The following ATP23 variants were observed in gnomAD, a reference collection of about 807,000 sequenced individuals.
ATP23 encodes the protein ATP23 metallopeptidase and ATP synthase assembly factor homolog.
A neutral mutation model predicts 28.5 loss-of-function variants in ATP23; 24 were observed. The ratio of observed to expected loss-of-function variants is 0.84; its 90% CI spans 0.61 to 1.18. ATP23 has a LOEUF of 1.18. ATP23 is among the 50% of genes most tolerant of loss of function. ATP23 has a pLI of 0.00. For synonymous variants in ATP23, 99 were observed against 108.6 expected (o/e 0.91, Z 0.55); for missense variants, 274 against 306.4 (o/e 0.89, Z 0.79).
At chr12:57,945,722 C>T (rs1956753971) in intron 2 of ATP23, 49 bp downstream of exon 2, 1 of 1,555,618 alleles carries the variant, frequency 6.4e-7, no homozygotes, top group South Asian at 1.1e-5. Flanking sequence ...CTGCTGAAAA[C>T]AAAAACCAAG....
chr12:57,951,258 T>C (rs1363811698), intron 3 of ATP23, among the ~76,000 whole-genome samples: 4 of 152,226 alleles, frequency 2.6e-5, no homozygotes, highest in African/African-American at 9.6e-5. Flanking sequence ...ATTTTACATA[T>C]ATTCTCATTT....
chr12:57,948,977 C>T (rs1269784161), intron 3 of ATP23, among the ~76,000 whole-genome samples: 1 of 152,194 alleles, frequency 6.6e-6, no homozygotes, highest in Non-Finnish European at 1.5e-5. Flanking sequence ...TTGTGAGATT[C>T]TTTCTTGTTG....
At position 57,953,620 on chromosome 12, in the gene ATP23, C is replaced by T. The variant is rs267603615; in HGVS notation, c.468C>T (p.Asn156=). ...CTGTGTGATAGGTTCGAGCTGCTAA[C>T]CTTAGTGGAGACTGCTCACTTGTCA... ...HLACSEVRAA[N]LSGDCSLVNE... is the part of the protein sequence containing the mutation. The change falls in exon 5 of 6, where the codon AAC becomes AAT. Residue 156 remains asparagine (N), a synonymous_variant. Transcript: ENST00000300145. 6.2e-7 allele frequency: 1 copy of T among 1,613,990 alleles called. No homozygotes were observed. Among genetic ancestry groups the T allele is most frequent in the Non-Finnish European group, 8.5e-7 (1 of 1,179,954 alleles).
intron 5 of ATP23, among the ~76,000 whole-genome samples, chr12:57,954,355 A>G (rs1956845536): frequency 6.6e-6 from 1 of 152,218 alleles, no homozygotes; most frequent in Non-Finnish European, 1.5e-5. Context: ...GAGACAAAAG[A>G]TGTAATCCCT....
At chr12:57,943,862 T>C (rs1218508155) in intron 1 of ATP23, among the ~76,000 whole-genome samples, 1 of 152,058 alleles carries the variant, frequency 6.6e-6, no homozygotes, top group Admixed American at 6.6e-5. Flanking sequence ...TGGACCTTGA[T>C]CTTCCAAGGG....
At chr12:57,943,981 C>CTTTTT (rs766959594) in intron 1 of ATP23, among the ~76,000 whole-genome samples, 3 of 95,032 alleles carry the variant, frequency 3.2e-5, no homozygotes, top group East Asian at 3.1e-4. Flanking sequence ...ATGGGAGTCT[C>CTTTTT]TTTTTTTTTT....
chr12:57,953,483 A>G (rs1393310936), intron 4 of ATP23, 123 bp from the exon 5 acceptor site: 1 of 773,244 alleles, frequency 1.3e-6, no homozygotes, highest in East Asian at 2.7e-5. Context: ...TGTCACAAAT[A>G]CTCTTTTCTC....
chr12:57,941,992 A>T (rs1361276114), intron 1 of ATP23, 104 bp downstream of exon 1: 3 of 1,432,278 alleles, frequency 2.1e-6, no homozygotes, highest in Middle Eastern at 2.1e-4. Flanking sequence ...CAGGTTCAGC[A>T]CAGAGTCTAG....
In ATP23 at chr12:57,956,710, T is replaced by A. The variant is rs780066780; in HGVS notation, c.561T>A (p.Thr187=). Residue 187 remains threonine (T), a synonymous_variant, in exon 6 of 6, where the codon ACT becomes ACA. Coordinates refer to ENST00000300145, the MANE Select transcript of ATP23 (RefSeq NM_033276.4). Reference sequence around the variant, plus strand: ...AGACTTGTGTGCGAGACAGAGCCACTCTTTCTATCCTGGCTGTTAGGAATA... The same window carrying A: ...AGACTTGTGTGCGAGACAGAGCCACACTTTCTATCCTGGCTGTTAGGAATA... ...HHQTCVRDRA[T]LSILAVRNIS... 3 of 1,613,550 alleles carry A rather than the reference T, an allele frequency of 1.9e-6. No homozygotes were observed. Among genetic ancestry groups the A allele is most frequent in the Non-Finnish European group, 2.5e-6 (3 of 1,179,788 alleles).
At chr12:57,952,862 C>G (rs994452671) in intron 4 of ATP23, among the ~76,000 whole-genome samples, 4 of 152,156 alleles carry the variant, frequency 2.6e-5, no homozygotes, top group Admixed American at 6.5e-5. Context: ...ATTCTGTTAG[C>G]AATGAATTAG....
chr12:57,954,194 CAA>C (rs11357155), intron 5 of ATP23, among the ~76,000 whole-genome samples: 47 of 71,416 alleles, frequency 6.6e-4, no homozygotes, highest in East Asian at 1.1e-3. Flanking sequence ...GACTCCATCT[CAA>C]AAAAAAAAAA....
At position 57,951,910 on chromosome 12, in the gene ATP23, A is replaced by T; in HGVS notation, c.453+15A>T. ...CGTGCTCAGAGGTGAGTTTTATTGT[A>T]TTTTTCTCCAGAATACTCTATGCTT... is the stretch of plus-strand genomic sequence containing the variant. On this transcript the variant is annotated intron_variant, in intron 4 of 5. Coordinates refer to ENST00000300145, the MANE Select transcript of ATP23 (RefSeq NM_033276.4). The T allele has an allele frequency of 6.2e-7, 1 of 1,613,364 alleles. No homozygotes were observed. The highest frequency in any genetic ancestry group is 8.5e-7 in the Non-Finnish European group (1 of 1,179,590).
Position 57,951,844 on chromosome 12 carries a change from T to C in ATP23, c.402T>C (p.Cys134=), listed in dbSNP as rs150828681. ...THELIHAFDH[C]RAHVDWFTNI... Reference sequence around the variant, plus strand: ...AGCTTATTCATGCATTTGATCATTGTCGTGCCCATGTCGACTGGTTCACCA... The same window carrying C: ...AGCTTATTCATGCATTTGATCATTGCCGTGCCCATGTCGACTGGTTCACCA... Residue 134 remains cysteine, a synonymous_variant, in exon 4 of 6, where the codon TGT becomes TGC. Coordinates refer to ENST00000300145, the MANE Select transcript of ATP23 (RefSeq NM_033276.4). 9.9e-4 allele frequency: 1,598 copies of C among 1,614,196 alleles called. 15 individuals carry two copies. The African/African-American group carries it at 0.018, about 18-fold the overall frequency.
In ATP23 at chr12:57,947,211, C is replaced by G. The variant is rs78391038; in HGVS notation, c.315+135C>G. Reference sequence around the variant, plus strand: ...AAAAAGTGAATTAGTTATCCTTACTCTAAGGAGTTTACTCTTAAAATCTCT... The same window carrying G: ...AAAAAGTGAATTAGTTATCCTTACTGTAAGGAGTTTACTCTTAAAATCTCT... On this transcript the variant is annotated intron_variant, in intron 3 of 5. Transcript: ENST00000300145. 120 of 752,558 alleles carry G rather than the reference C, an allele frequency of 1.6e-4. 1 individual carries two copies. In the East Asian group the frequency reaches 3.2e-3, roughly 20 times the overall value. 46.6% of individuals were successfully genotyped at this position (752,558 alleles called of 1,614,324 possible).
intron 3 of ATP23, among the ~76,000 whole-genome samples, chr12:57,950,042 C>T (rs908367990): frequency 2.0e-5 from 3 of 152,236 alleles, no homozygotes; most frequent in Non-Finnish European, 2.9e-5. Context: ...TTGGCTTCCA[C>T]CACCATTCTA....
At chr12:57,942,158 C>G (rs1956711632) in intron 1 of ATP23, among the ~76,000 whole-genome samples, 1 of 152,172 alleles carries the variant, frequency 6.6e-6, no homozygotes, top group East Asian at 1.9e-4. Flanking sequence ...CCTCCGATTT[C>G]TTACATAAGT....
intron 5 of ATP23, among the ~76,000 whole-genome samples, chr12:57,955,887 G>A (rs1956862233): frequency 6.6e-6 from 1 of 152,164 alleles, no homozygotes; most frequent in Admixed American, 6.5e-5. Context: ...TGGCTGTCAG[G>A]ATGCACAGCC....
chr12:57,945,866 G>GTT (rs534553402), intron 2 of ATP23, among the ~76,000 whole-genome samples, 193 bp downstream of exon 2: 26 of 134,764 alleles, frequency 1.9e-4, no homozygotes, highest in Non-Finnish European at 1.8e-4. Context: ...CCTAACTCAT[G>GTT]TTTTTTTTTT....
chr12:57,948,212 A>G (rs1010125027), intron 3 of ATP23, among the ~76,000 whole-genome samples: 18 of 152,068 alleles, frequency 1.2e-4, no homozygotes, highest in Admixed American at 6.5e-4. Context: ...CACATCTTGA[A>G]CTTTCATCCT....
Sources: gnomAD v4.1 joint callset for allele counts (sites outside exome capture counted in the v4.1 genomes callset) on GRCh38, gnomAD v4.1.1 for gene constraint, MANE v1.5 for transcripts, NCBI Gene and HGNC (gene_info 2026-07-23, HGNC 2026-07-21) for gene names.